INPP4B: variants seen among roughly 807,000 people sequenced by gnomAD.
INPP4B encodes the protein inositol polyphosphate-4-phosphatase type II B, also known as inositol polyphosphate 4-phosphatase type II.
INPP4B carries 55 observed loss-of-function variants against 122.5 expected under a neutral mutation model. The ratio of observed to expected loss-of-function variants is 0.45; its 90% CI spans 0.36 to 0.56. The LOEUF is 0.56. INPP4B is among the 20% of genes least tolerant of loss of function. The pLI is 0.00. For missense variants in INPP4B, 1,000 were observed against 1,097.7 expected (o/e 0.91, Z 1.26); for synonymous variants, 403 against 388.7 (o/e 1.04, Z -0.43).
At chr4:142,254,878 G>GAGCAACTCCAAGA (rs1206372756) in intron 11 of INPP4B, among the ~76,000 whole-genome samples, 1 of 151,880 alleles carries the variant, frequency 6.6e-6, no homozygotes, top group Non-Finnish European at 1.5e-5. Context: ...TCCTCGAGAA[G>GAGCAACTCCAAGA]AGCAACTCCA....
At chr4:142,290,111 A>C (rs1755699686) in intron 9 of INPP4B, among the ~76,000 whole-genome samples, 1 of 151,048 alleles carries the variant, frequency 6.6e-6, no homozygotes, top group Admixed American at 6.6e-5. Context: ...AGCTTTACTC[A>C]GAGTAAAGGA....
rs186790957 is a variant in INPP4B at position 142,321,663 on chromosome 4, C to T, written c.373-6901G>A. Among the ~76,000 whole-genome samples the T allele has an allele frequency of 2.8e-3, 423 of 152,116 alleles. 2 individuals are homozygous for T. Among genetic ancestry groups the T allele is most frequent in the African/African-American group, 9.8e-3 (405 of 41,518 alleles). ...TTTACATGTGACTTGCCAATTGTTC[C>T]GGCACCATTTGTTGAATAGAGTGTC... is the stretch of plus-strand genomic sequence containing the variant. On this transcript the variant is annotated intron_variant, in intron 7 of 25. Coordinates refer to ENST00000262992, the MANE Select transcript of INPP4B (RefSeq NM_001101669.3).
chr4:142,125,937 A>G (rs1798456777), intron 18 of INPP4B, among the ~76,000 whole-genome samples: 2 of 152,178 alleles, frequency 1.3e-5, no homozygotes, highest in Admixed American at 1.3e-4. Context: ...GACAAGTTTA[A>G]GTAAGTCAAG....
chr4:142,521,179 A>G (rs769160809), intron 2 of INPP4B, among the ~76,000 whole-genome samples: 8 of 152,006 alleles, frequency 5.3e-5, no homozygotes, highest in African/African-American at 9.7e-5. Flanking sequence ...TACATGAAAC[A>G]ATTAGGGAAA....
At chr4:142,574,075 C>A (rs1271645360) in intron 2 of INPP4B, among the ~76,000 whole-genome samples, 7 of 152,040 alleles carry the variant, frequency 4.6e-5, no homozygotes, top group Admixed American at 1.3e-4. Context: ...TAACTCAAAC[C>A]ATTTAACTCT....
intron 11 of INPP4B, among the ~76,000 whole-genome samples, chr4:142,248,375 T>C (rs1341481501): frequency 6.8e-6 from 1 of 146,804 alleles, no homozygotes; most frequent in Non-Finnish European, 1.5e-5. Context: ...TTCACTGTTG[T>C]TGCCCAGGCT....
At chr4:142,626,445 C>T (rs1004297740) in intron 2 of INPP4B, among the ~76,000 whole-genome samples, 1 of 151,872 alleles carries the variant, frequency 6.6e-6, no homozygotes, top group Admixed American at 6.6e-5. Flanking sequence ...TGAGAGCAGC[C>T]ACAGGAGGCT....
intron 3 of INPP4B, among the ~76,000 whole-genome samples, chr4:142,450,971 T>G (rs887835899): frequency 1.4e-5 from 2 of 144,756 alleles, no homozygotes; most frequent in African/African-American, 5.2e-5. Context: ...TTCTTAAAAT[T>G]AACTCCCCCC....
intron 2 of INPP4B, among the ~76,000 whole-genome samples, chr4:142,504,699 A>G (rs1261404926): frequency 6.6e-6 from 1 of 152,216 alleles, no homozygotes; most frequent in East Asian, 1.9e-4. Context: ...CAGTTGATCT[A>G]GAAGTATTTT....
chr4:142,136,166 A>C (rs540852707), intron 18 of INPP4B, among the ~76,000 whole-genome samples: 1 of 152,184 alleles, frequency 6.6e-6, no homozygotes, highest in African/African-American at 2.4e-5. Context: ...AGAGCCTCAA[A>C]GGCAGTCAGC....
chr4:142,239,404 T>C (rs986120647), intron 11 of INPP4B, among the ~76,000 whole-genome samples: 13 of 152,162 alleles, frequency 8.5e-5, no homozygotes, highest in African/African-American at 2.9e-4. Context: ...ATACTGCATT[T>C]TAAAATCTAG....
chr4:142,086,420 C>T (rs1244341254), intron 23 of INPP4B, among the ~76,000 whole-genome samples, 164 bp from the exon 24 acceptor site: 3 of 152,206 alleles, frequency 2.0e-5, no homozygotes, highest in Non-Finnish European at 4.4e-5. Context: ...CCAATCTCTG[C>T]TCACTGCAGC....
At chr4:142,762,176 C>T (rs921462405) in intron 1 of INPP4B, among the ~76,000 whole-genome samples, 8 of 152,016 alleles carry the variant, frequency 5.3e-5, no homozygotes, top group African/African-American at 1.9e-4. Context: ...TGTTAAGTGC[C>T]CTGGCTCTCA....
chr4:142,747,209 G>A (rs1219005935), intron 1 of INPP4B, among the ~76,000 whole-genome samples: 2 of 152,034 alleles, frequency 1.3e-5, no homozygotes, highest in Non-Finnish European at 2.9e-5. Flanking sequence ...AAAAGTGGGT[G>A]AAGGATATGA....
chr4:142,195,041 C>T (rs1037241581), intron 14 of INPP4B, among the ~76,000 whole-genome samples: 2 of 152,138 alleles, frequency 1.3e-5, no homozygotes, highest in Admixed American at 6.5e-5. Context: ...ACAAAATATG[C>T]GGCATTTCTG....
chr4:142,609,944 T>C (rs1035737221), intron 2 of INPP4B, among the ~76,000 whole-genome samples: 5 of 152,288 alleles, frequency 3.3e-5, no homozygotes, highest in Non-Finnish European at 5.9e-5. Flanking sequence ...ATGTATAATT[T>C]GCACTGGTGG....
At chr4:142,172,503 A>C (rs1216910066) in intron 16 of INPP4B, among the ~76,000 whole-genome samples, 1 of 151,928 alleles carries the variant, frequency 6.6e-6, no homozygotes, top group Non-Finnish European at 1.5e-5. Context: ...TCTGGCCTGG[A>C]AGGAATGCTG....
intron 7 of INPP4B, among the ~76,000 whole-genome samples, chr4:142,361,646 T>G (rs1442906019): frequency 1.3e-5 from 2 of 151,952 alleles, no homozygotes; most frequent in East Asian, 1.9e-4. Flanking sequence ...ATTTCTCTCA[T>G]GAAATCCTGT....
chr4:142,288,631 C>T (rs1348105490), intron 9 of INPP4B, among the ~76,000 whole-genome samples: 1 of 152,116 alleles, frequency 6.6e-6, no homozygotes, highest in African/African-American at 2.4e-5. Flanking sequence ...GCCTATCTTC[C>T]CTAAAATAAG....
Sources: allele counts gnomAD v4.1 joint callset (sites outside exome capture counted in the v4.1 genomes callset), GRCh38; gene constraint gnomAD v4.1.1; transcripts MANE v1.5; gene names NCBI Gene and HGNC (gene_info 2026-07-23, HGNC 2026-07-21).